GLRA2: variants seen among roughly 807,000 people sequenced by gnomAD.
GLRA2 encodes the protein glycine receptor alpha 2, also known as glycine receptor subunit alpha-2.
In GLRA2, 11 loss-of-function variants were observed where a neutral mutation model predicts 31.6. The ratio of observed to expected loss-of-function variants is 0.35; its 90% confidence interval spans 0.22 to 0.58. The LOEUF is 0.58. Among genes scored for constraint, GLRA2 ranks in the 20% least tolerant of loss-of-function variants. The pLI is 0.84. For synonymous variants in GLRA2, 132 were observed against 134.0 expected (o/e 0.99, Z 0.10); for missense variants, 212 against 351.8 (o/e 0.60, Z 3.18).
chrX:14,693,929 G>A (rs1294485548), intron 8 of GLRA2, among the ~76,000 whole-genome samples: 1 of 111,763 alleles, frequency 8.9e-6, no homozygotes, highest in Non-Finnish European at 1.9e-5. Flanking sequence ...CTAAAGCCAT[G>A]CTTAGTGAAA....
intron 2 of GLRA2, among the ~76,000 whole-genome samples, chrX:14,563,991 C>T: frequency 9.0e-6 from 1 of 110,995 alleles, no homozygotes; most frequent in African/African-American, 3.3e-5. Context: ...GACCAATATA[C>T]ACATTCTAGA....
chrX:14,702,442 C>T (rs893851370), intron 8 of GLRA2, among the ~76,000 whole-genome samples: 8 of 112,158 alleles, frequency 7.1e-5, no homozygotes, highest in Admixed American at 6.6e-4. Flanking sequence ...ATCATTATTA[C>T]TATTTTGGTT....
chrX:14,641,300 T>TTAAG (rs1237379418), intron 7 of GLRA2, among the ~76,000 whole-genome samples: 1 of 111,816 alleles, frequency 8.9e-6, no homozygotes, highest in African/African-American at 3.3e-5. Context: ...AACAGTCTAA[T>TTAAG]TAAGTTTTTC....
chrX:14,570,713 C>G (rs771526803), intron 2 of GLRA2, among the ~76,000 whole-genome samples: 37 of 111,574 alleles, frequency 3.3e-4, no homozygotes, highest in African/African-American at 1.2e-3. Flanking sequence ...GATCTGAAAG[C>G]AAAGATGTTA....
chrX:14,644,751 C>T (rs908061992), intron 7 of GLRA2, among the ~76,000 whole-genome samples: 2 of 111,975 alleles, frequency 1.8e-5, no homozygotes, highest in Non-Finnish European at 3.8e-5. Flanking sequence ...CCTACCTAAA[C>T]GAGTGGTTCT....
chrX:14,554,350 C>T (rs1386584729), intron 2 of GLRA2, among the ~76,000 whole-genome samples: 3 of 111,685 alleles, frequency 2.7e-5, no homozygotes, highest in Non-Finnish European at 3.8e-5. Flanking sequence ...GTGCAGAATG[C>T]CTAAGGAAGA....
At chrX:14,674,653 C>A (rs902695021) in intron 7 of GLRA2, among the ~76,000 whole-genome samples, 1 of 111,860 alleles carries the variant, frequency 8.9e-6, no homozygotes, top group Admixed American at 9.5e-5. Context: ...ACCTAGGATT[C>A]AAATCCAAGT....
chrX:14,700,190 A>T (rs903453347), intron 8 of GLRA2, among the ~76,000 whole-genome samples: 1 of 111,756 alleles, frequency 8.9e-6, no homozygotes, highest in Non-Finnish European at 1.9e-5. Context: ...TGGGTTGGAC[A>T]GACATGCTGA....
At chrX:14,581,106 A>G (rs745493199) in intron 3 of GLRA2, 77 bp from the exon 4 acceptor site, 21 of 620,153 alleles carry the variant, frequency 3.4e-5, no homozygotes, top group Non-Finnish European at 5.7e-5. Context: ...CAAATCAGGG[A>G]GAAGAATGAG....
the GLRA2 span, among the ~76,000 whole-genome samples, chrX:14,481,819 C>A: frequency 9.1e-6 from 1 of 109,627 alleles, no homozygotes; most frequent in Admixed American, 9.7e-5. Context: ...CACTCCCTCT[C>A]GGTGGTGAAA....
chrX:14,472,394 T>C, the GLRA2 span, among the ~76,000 whole-genome samples: 1 of 111,764 alleles, frequency 8.9e-6, no homozygotes, highest in Non-Finnish European at 1.9e-5. Context: ...AAGGTACATA[T>C]GCAGCATGTG....
chrX:14,486,783 C>A, the GLRA2 span, among the ~76,000 whole-genome samples: 1 of 111,670 alleles, frequency 9.0e-6, no homozygotes, highest in African/African-American at 3.3e-5. Context: ...TTTGACATTA[C>A]CCTATAAAGT....
chrX:14,630,402 T>A (rs929910548), intron 7 of GLRA2, among the ~76,000 whole-genome samples: 3 of 111,916 alleles, frequency 2.7e-5, no homozygotes, highest in African/African-American at 9.7e-5. Context: ...TTTTGAGCAA[T>A]TTAATTATGA....
chrX:14,604,519 C>T (rs1253344943), intron 5 of GLRA2, 122 bp downstream of exon 5: 1 of 383,537 alleles, frequency 2.6e-6, no homozygotes. Flanking sequence ...CAACCCCCAA[C>T]ATCCTAATGG....
chrX:14,558,802 GTTAA>G (rs2089685696), intron 2 of GLRA2, among the ~76,000 whole-genome samples: 1 of 110,258 alleles, frequency 9.1e-6, no homozygotes, highest in African/African-American at 3.3e-5. Flanking sequence ...TACCTTAGGT[GTTAA>G]TTAATTGCTT....
intron 2 of GLRA2, among the ~76,000 whole-genome samples, chrX:14,570,603 A>T (rs773057640): frequency 3.6e-5 from 4 of 111,693 alleles, no homozygotes; most frequent in Non-Finnish European, 7.5e-5. Context: ...GCTGGTCCTC[A>T]GCCCACAGTT....
chrX:14,493,312 A>G, the GLRA2 span, among the ~76,000 whole-genome samples: 1 of 109,624 alleles, frequency 9.1e-6, no homozygotes, highest in Admixed American at 9.9e-5. Flanking sequence ...CATCCATACA[A>G]TGGAATACTA....
chrX:14,558,762 A>G (rs895641777), intron 2 of GLRA2, among the ~76,000 whole-genome samples: 5 of 111,602 alleles, frequency 4.5e-5, no homozygotes, highest in African/African-American at 1.6e-4. Flanking sequence ...GGACTCACAG[A>G]AGATGCTATT....
At chrX:14,466,097 G>T in the GLRA2 span, among the ~76,000 whole-genome samples, 20 of 111,320 alleles carry the variant, frequency 1.8e-4, no homozygotes, top group Non-Finnish European at 3.2e-4. Context: ...CTTCATATTG[G>T]CTTTCCTTTT....
Sources: gnomAD v4.1 joint callset for allele counts (sites outside exome capture counted in the v4.1 genomes callset) on GRCh38, gnomAD v4.1.1 for gene constraint, MANE v1.5 for transcripts, NCBI Gene and HGNC (gene_info 2026-07-23, HGNC 2026-07-21) for gene names.